NTRK3: variants seen among roughly 807,000 people sequenced by gnomAD.
The protein encoded by NTRK3 is NT-3 growth factor receptor.
A neutral mutation model predicts 91.7 loss-of-function variants in NTRK3; 24 were observed. The observed-to-expected ratio is 0.26, with a 90% CI of 0.19 to 0.37. The LOEUF (loss-of-function observed/expected upper bound fraction) is 0.37, where lower values mean the gene tolerates loss of function less well. Ranked by LOEUF, NTRK3 falls within the 10% of genes least tolerant of loss-of-function variation. The probability of loss-of-function intolerance (pLI) is 1.00; values close to 1 mark genes in which losing one functional copy is unlikely to be tolerated. For missense variants in NTRK3, 880 were observed against 1,068.9 expected, an observed-to-expected ratio of 0.82 and a Z score of 2.46; for synonymous variants, 483 against 404.0, an observed-to-expected ratio of 1.20 and a Z score of -2.34.
At chr15:88,215,147 C>T (rs1294178304) in intron 3 of NTRK3, among the ~76,000 whole-genome samples, 6 of 152,202 alleles carry the variant, frequency 3.9e-5, no homozygotes, top group Non-Finnish European at 7.3e-5. Flanking sequence ...GTGGGTTTGC[C>T]GTCTAGCATT....
chr15:88,132,777 G>A (rs771270332), intron 10 of NTRK3, among the ~76,000 whole-genome samples: 13 of 152,172 alleles, frequency 8.5e-5, no homozygotes, highest in South Asian at 4.1e-4. Flanking sequence ...ACTTGGCATC[G>A]TTTCCCTGTC....
chr15:88,223,907 T>G (rs1598043682), intron 3 of NTRK3, among the ~76,000 whole-genome samples: 1 of 151,304 alleles, frequency 6.6e-6, no homozygotes. Context: ...GCATGGGAGG[T>G]GTTATTAGGA....
At chr15:88,171,186 G>A (rs965334072) in intron 5 of NTRK3, among the ~76,000 whole-genome samples, 6 of 152,186 alleles carry the variant, frequency 3.9e-5, no homozygotes, top group Admixed American at 3.9e-4. Context: ...GAACCAGCAA[G>A]CCATGCTCTA....
exon 19 of NTRK3, chr15:87,876,783 C>G: frequency 1.5e-6 from 1 of 666,314 alleles, no homozygotes; most frequent in Non-Finnish European, 2.4e-6. Flanking sequence ...CTTTTTTTTT[C>G]CTTTTTTCAG....
At chr15:88,209,883 C>T (rs1315564294) in intron 3 of NTRK3, 2 of 152,272 alleles carry the variant, frequency 1.3e-5, no homozygotes, top group Non-Finnish European at 2.9e-5. Context: ...GGGAATGGAT[C>T]TGGGCACTGA....
At chr15:88,138,996 C>T (rs113431028) in intron 6 of NTRK3, among the ~76,000 whole-genome samples, 150 of 152,284 alleles carry the variant, frequency 9.9e-4, no homozygotes, top group African/African-American at 3.5e-3. Context: ...CAAAGCCCAT[C>T]CTGGGACCAG....
At position 87,952,751 on chromosome 15, in the gene NTRK3, C is replaced by T. The variant is rs569879807; in HGVS notation, c.1586-11998G>A. Among the ~76,000 whole-genome samples, 7 of 152,264 alleles carry T rather than the reference C, an allele frequency of 4.6e-5. No homozygotes were observed. The East Asian group carries it at 7.7e-4, about 17-fold the overall frequency. ...GACTGAGGAGACTGTCCGGGAGTCC[C>T]GAGAGGTCACGCTGGGCCCCTTTCA... On this transcript the variant is annotated intron_variant, in intron 14 of 18. Transcript: ENST00000394480.
At chr15:88,083,641 T>C (rs575301982) in intron 13 of NTRK3, among the ~76,000 whole-genome samples, 2 of 152,254 alleles carry the variant, frequency 1.3e-5, no homozygotes, top group Admixed American at 6.5e-5. Context: ...CAGTAATATC[T>C]CACATGTCAT....
At chr15:88,078,378 T>C (rs1417490704) in intron 13 of NTRK3, among the ~76,000 whole-genome samples, 1 of 152,184 alleles carries the variant, frequency 6.6e-6, no homozygotes, top group Non-Finnish European at 1.5e-5. Context: ...GGGTCAGGCC[T>C]GGTGCGGTGG....
At chr15:87,968,180 A>G (rs1385549268) in intron 14 of NTRK3, among the ~76,000 whole-genome samples, 1 of 152,218 alleles carries the variant, frequency 6.6e-6, no homozygotes, top group African/African-American at 2.4e-5. Context: ...AGCTACATGG[A>G]ATGTGTGTGT....
chr15:87,978,617 TC>T (rs2141337832), intron 14 of NTRK3: 2 of 231,034 alleles, frequency 8.7e-6, no homozygotes, highest in South Asian at 3.6e-4. Context: ...GGAGAAACTC[TC>T]CTCTGCAAGG....
At chr15:88,025,228 A>G (rs1567244779) in intron 14 of NTRK3, among the ~76,000 whole-genome samples, 1 of 152,376 alleles carries the variant, frequency 6.6e-6, no homozygotes, top group South Asian at 2.1e-4. Flanking sequence ...GAAGCTAAAC[A>G]TATTCTTACC....
At chr15:88,147,767 G>T (rs1458819650) in intron 5 of NTRK3, among the ~76,000 whole-genome samples, 1 of 152,120 alleles carries the variant, frequency 6.6e-6, no homozygotes, top group East Asian at 1.9e-4. Context: ...TCTCAGAGTA[G>T]ATAAGCCCAC....
intron 14 of NTRK3, among the ~76,000 whole-genome samples, chr15:87,981,029 C>T (rs1423014919): frequency 1.3e-5 from 2 of 152,254 alleles, no homozygotes; most frequent in African/African-American, 4.8e-5. Context: ...TACCTAGGCC[C>T]TATGAAGCTT....
chr15:88,049,467 T>A (rs959900313), intron 13 of NTRK3, among the ~76,000 whole-genome samples: 59 of 152,320 alleles, frequency 3.9e-4, no homozygotes, highest in African/African-American at 1.3e-3. Context: ...CACTTCAGAA[T>A]GGTGTGTGTG....
At chr15:88,236,176 C>G (rs1415652809) in intron 3 of NTRK3, among the ~76,000 whole-genome samples, 4 of 152,132 alleles carry the variant, frequency 2.6e-5, no homozygotes, top group Admixed American at 6.5e-5. Flanking sequence ...CCATAATACT[C>G]CAAAACTAGA....
At chr15:88,179,001 G>T (rs1409905320) in intron 5 of NTRK3, among the ~76,000 whole-genome samples, 1 of 152,180 alleles carries the variant, frequency 6.6e-6, no homozygotes, top group Non-Finnish European at 1.5e-5. Context: ...TCCACATCCT[G>T]ATTCTTCCAC....
intron 6 of NTRK3, among the ~76,000 whole-genome samples, chr15:88,144,809 G>A (rs569712337): frequency 2.6e-5 from 4 of 152,202 alleles, no homozygotes; most frequent in African/African-American, 7.2e-5. Context: ...CTGCCCTACT[G>A]GAAAAGTCAT....
exon 19 of NTRK3, chr15:87,873,215 A>T (rs2064868124): frequency 4.3e-6 from 1 of 231,502 alleles, no homozygotes; most frequent in African/African-American, 2.2e-5. Flanking sequence ...AGGACCAAAG[A>T]TCCTTTGCCT....
Sources: allele counts gnomAD v4.1 joint callset (sites outside exome capture counted in the v4.1 genomes callset), GRCh38; gene constraint gnomAD v4.1.1; transcripts MANE v1.5; gene names NCBI Gene and HGNC (gene_info 2026-07-23, HGNC 2026-07-21).